Variants in ERBB4 observed in about 807,000 individuals in gnomAD.
ERBB4 encodes the protein erb-b2 receptor tyrosine kinase 4, also known as receptor tyrosine-protein kinase erbB-4.
A neutral mutation model predicts 158.0 loss-of-function variants in ERBB4; 42 were observed. The ratio of observed to expected loss-of-function variants is 0.27; its 90% CI spans 0.21 to 0.34. The LOEUF (loss-of-function observed/expected upper bound fraction) is 0.34. ERBB4 is among the 10% of genes least tolerant of loss of function. The pLI is 1.00. For missense variants in ERBB4, 1,333 were observed against 1,624.1 expected (o/e 0.82, Z 3.08); for synonymous variants, 583 against 558.7 (o/e 1.04, Z -0.61).
chr2:211,657,580 A>G (rs1444343980), intron 16 of ERBB4, 174 bp downstream of exon 16: 2 of 649,296 alleles, frequency 3.1e-6, no homozygotes, highest in African/African-American at 3.6e-5. Flanking sequence ...AAGGAAAAAG[A>G]AGTAAGAAAG....
intron 1 of ERBB4, among the ~76,000 whole-genome samples, chr2:212,394,465 T>C (rs933483286): frequency 2.0e-5 from 3 of 152,044 alleles, no homozygotes; most frequent in Non-Finnish European, 2.9e-5. Context: ...ATAATAAAAC[T>C]GGACCACCAT....
intron 1 of ERBB4, among the ~76,000 whole-genome samples, chr2:212,329,119 A>AT (rs765784113): frequency 1.3e-5 from 2 of 151,938 alleles, no homozygotes; most frequent in Non-Finnish European, 2.9e-5. Context: ...TTGTTATTTC[A>AT]TTTTTTCACT....
intron 1 of ERBB4, among the ~76,000 whole-genome samples, chr2:212,150,873 A>T (rs1035061702): frequency 2.6e-5 from 4 of 152,164 alleles, no homozygotes; most frequent in African/African-American, 9.7e-5. Context: ...AACTCTGTTC[A>T]TGCATGCTTG....
At chr2:211,644,781 T>G (rs1330458700) in intron 16 of ERBB4, among the ~76,000 whole-genome samples, 4 of 152,000 alleles carry the variant, frequency 2.6e-5, no homozygotes, top group African/African-American at 9.7e-5. Context: ...TAAAAGTAAT[T>G]TGGAATAAAC....
intron 1 of ERBB4, among the ~76,000 whole-genome samples, chr2:212,444,485 G>C (rs2105990365): frequency 6.6e-6 from 1 of 152,322 alleles, no homozygotes; most frequent in Middle Eastern, 3.4e-3. Flanking sequence ...AGGTATGTGG[G>C]TGGACCTCAC....
At chr2:211,795,089 A>C (rs112546943) in intron 3 of ERBB4, among the ~76,000 whole-genome samples, 1 of 151,802 alleles carries the variant, frequency 6.6e-6, no homozygotes, top group Non-Finnish European at 1.5e-5. Flanking sequence ...TATTCTCCCC[A>C]CAAATCCATC....
intron 1 of ERBB4, among the ~76,000 whole-genome samples, chr2:212,391,995 G>A (rs1026805366): frequency 6.6e-6 from 1 of 151,126 alleles, no homozygotes; most frequent in African/African-American, 2.4e-5. Flanking sequence ...AGCTATTTAG[G>A]ATGACTGAAT....
intron 3 of ERBB4, among the ~76,000 whole-genome samples, chr2:211,831,001 TA>T (rs1017551540): frequency 4.6e-5 from 7 of 151,686 alleles, no homozygotes; most frequent in South Asian, 2.1e-4. Context: ...AAATGTAGGT[TA>T]AAAAAATAAT....
chr2:211,646,137 C>T (rs1012739255), intron 16 of ERBB4, among the ~76,000 whole-genome samples: 2 of 151,068 alleles, frequency 1.3e-5, no homozygotes, highest in East Asian at 1.9e-4. Flanking sequence ...GAGTATGCTC[C>T]CTAATCTGTA....
At position 211,381,234 on chromosome 2, in the gene ERBB4, A is replaced by T; in HGVS notation, c.*2381T>A. 4.3e-6 allele frequency: 1 copy of T among 232,358 alleles called. No individual in the cohort carries two copies. Among genetic ancestry groups the T allele is most frequent in the Non-Finnish European group, 8.5e-6 (1 of 117,516 alleles). 14.4% of individuals were successfully genotyped at this position (232,358 alleles called of 1,614,324 possible). A position where few individuals can be genotyped will look rare whatever the true frequency, so the allele number is the denominator to read the frequency against. On this transcript the variant is annotated 3_prime_UTR_variant, in exon 28 of 28. Coordinates refer to ENST00000342788, the MANE Select transcript of ERBB4 (RefSeq NM_005235.3). ...TTTTTCAGCTCGCCTCACTTCTTAT[A>T]GCTTAGAAAAAAACCAACTCCAATG... is the stretch of plus-strand genomic sequence containing the variant.
intron 19 of ERBB4, among the ~76,000 whole-genome samples, chr2:211,614,270 T>G (rs1574859418): frequency 6.6e-6 from 1 of 152,054 alleles, no homozygotes; most frequent in East Asian, 1.9e-4. Context: ...TACCAGAGGC[T>G]GGGAAAGGTA....
At chr2:211,919,887 AAAT>A (rs2079810329) in intron 3 of ERBB4, among the ~76,000 whole-genome samples, 1 of 152,022 alleles carries the variant, frequency 6.6e-6, no homozygotes, top group East Asian at 1.9e-4. Flanking sequence ...CAATCCCAGA[AAAT>A]AATAACTGTT....
intron 19 of ERBB4, among the ~76,000 whole-genome samples, chr2:211,592,121 G>C (rs1032907480): frequency 3.9e-5 from 6 of 152,290 alleles, no homozygotes; most frequent in African/African-American, 1.4e-4. Flanking sequence ...AATGGTTACA[G>C]GGAAGTAAAC....
intron 2 of ERBB4, among the ~76,000 whole-genome samples, chr2:211,977,858 C>CAAAA (rs34095237): frequency 1.8e-5 from 2 of 110,022 alleles, no homozygotes; most frequent in Non-Finnish European, 3.4e-5. Flanking sequence ...AACTCCGTCT[C>CAAAA]AAAAAAAAAA....
intron 1 of ERBB4, among the ~76,000 whole-genome samples, chr2:212,421,704 C>G (rs561289105): frequency 1.1e-4 from 17 of 152,226 alleles, no homozygotes; most frequent in South Asian, 4.1e-4. Flanking sequence ...CATCACTACA[C>G]TAGGAAAATT....
chr2:212,127,819 C>T (rs1343620653), intron 1 of ERBB4, among the ~76,000 whole-genome samples: 1 of 151,964 alleles, frequency 6.6e-6, no homozygotes, highest in Non-Finnish European at 1.5e-5. Context: ...ACCTACAAGC[C>T]AAGGAATGCC....
chr2:212,405,816 T>C (rs1313768368), intron 1 of ERBB4, among the ~76,000 whole-genome samples: 1 of 152,092 alleles, frequency 6.6e-6, no homozygotes, highest in Non-Finnish European at 1.5e-5. Flanking sequence ...TCAGTTGTCT[T>C]TCAACTACAC....
intron 18 of ERBB4, among the ~76,000 whole-genome samples, chr2:211,622,894 AG>A (rs2069657589): frequency 7.3e-6 from 1 of 136,966 alleles, no homozygotes; most frequent in African/African-American, 2.7e-5. Flanking sequence ...ACCTGGGAGG[AG>A]GAGGTTGCAG....
At chr2:212,238,739 G>A (rs1294212675) in intron 1 of ERBB4, among the ~76,000 whole-genome samples, 1 of 151,968 alleles carries the variant, frequency 6.6e-6, no homozygotes, top group East Asian at 1.9e-4. Context: ...TTTAAGCAAC[G>A]AGTTTAAAAA....
Sources: gnomAD v4.1 joint callset for allele counts (sites outside exome capture counted in the v4.1 genomes callset) on GRCh38, gnomAD v4.1.1 for gene constraint, MANE v1.5 for transcripts, NCBI Gene and HGNC (gene_info 2026-07-23, HGNC 2026-07-21) for gene names.